Variants in LRP1B observed in about 807,000 individuals in gnomAD.
The protein encoded by LRP1B is low-density lipoprotein receptor-related protein 1B.
Under a neutral mutation model 556.6 loss-of-function variants are expected in LRP1B, and 217 were observed. The observed-to-expected ratio is 0.39, with a 90% confidence interval of 0.35 to 0.44. The LOEUF is 0.44. Ranked by LOEUF, LRP1B falls within the 20% of genes least tolerant of loss-of-function variation. The pLI is 1.00. For missense variants in LRP1B, 5,053 were observed against 5,620.8 expected (o/e 0.90, Z 3.23); for synonymous variants, 2,047 against 1,865.8 (o/e 1.10, Z -2.50).
In LRP1B at chr2:141,254,688, A is replaced by T. The variant is rs776316494; in HGVS notation, c.344-47T>A. The T allele has an allele frequency of 4.9e-6, 7 of 1,431,404 alleles. No individual in the cohort carries two copies. The East Asian group carries it at 1.7e-4, about 35-fold the overall frequency. The allele number at this position is 1,431,404 out of a possible 1,614,324, so 88.7% of individuals were successfully genotyped here. A position where few individuals can be genotyped will look rare whatever the true frequency, so the allele number is the denominator to read the frequency against. On this transcript the variant is annotated intron_variant, in intron 3 of 90. Transcript: ENST00000389484. Reference sequence around the variant, plus strand: ...ATTCTCTATATTTAACTGTATATGTAAATAGTTTGTATTTCTCAGTGTACA... The same window carrying T: ...ATTCTCTATATTTAACTGTATATGTTAATAGTTTGTATTTCTCAGTGTACA...
chr2:140,378,149 GCTTT>G (rs764249966), intron 68 of LRP1B, 27 bp downstream of exon 68: 26 of 1,443,600 alleles, frequency 1.8e-5, no homozygotes, highest in East Asian at 6.8e-5. Context: ...CTAAAGCGCT[GCTTT>G]CTTTTTGATT....
chr2:140,253,420 G>A (rs918629907), intron 86 of LRP1B, among the ~76,000 whole-genome samples: 1 of 151,796 alleles, frequency 6.6e-6, no homozygotes, highest in Non-Finnish European at 1.5e-5. Flanking sequence ...TTAATAAAAT[G>A]GATTATTTAA....
intron 1 of LRP1B, among the ~76,000 whole-genome samples, chr2:141,957,461 A>G (rs1170400913): frequency 1.3e-5 from 2 of 150,806 alleles, no homozygotes; most frequent in African/African-American, 4.9e-5. Context: ...CTTTACTAGG[A>G]TTCAAATACT....
At chr2:141,564,591 C>A (rs868436964) in intron 2 of LRP1B, among the ~76,000 whole-genome samples, 1 of 152,028 alleles carries the variant, frequency 6.6e-6, no homozygotes, top group Non-Finnish European at 1.5e-5. Context: ...CATGTAAATT[C>A]TCCTGTTATG....
chr2:141,226,369 A>G (rs923566695), intron 6 of LRP1B, among the ~76,000 whole-genome samples: 1 of 152,264 alleles, frequency 6.6e-6, no homozygotes, highest in Admixed American at 6.5e-5. Flanking sequence ...CTACCCAGAG[A>G]TGCAGTGGGT....
In LRP1B at chr2:140,242,015, C is replaced by T. The variant is rs116449080; in HGVS notation, c.13325-2483G>A. Among the ~76,000 whole-genome samples the T allele has an allele frequency of 4.7e-3, 703 of 150,918 alleles. 3 individuals are homozygous for T. The highest frequency in any genetic ancestry group is 7.6e-3 in the Non-Finnish European group (512 of 67,262). On this transcript the variant is annotated intron_variant, in intron 87 of 90. Transcript: ENST00000389484. ...AACATGGTTCTGAAACCTCATCATG[C>T]AACATTTTTCCATTAGAAGAAAGAA...
chr2:141,796,134 AC>A (rs1307323656), intron 2 of LRP1B, among the ~76,000 whole-genome samples: 3 of 151,638 alleles, frequency 2.0e-5, no homozygotes, highest in African/African-American at 7.3e-5. Context: ...AAATTCTCTC[AC>A]TCTGTCAAAT....
At chr2:141,627,720 A>G (rs959843883) in intron 2 of LRP1B, among the ~76,000 whole-genome samples, 5 of 152,234 alleles carry the variant, frequency 3.3e-5, no homozygotes, top group African/African-American at 1.2e-4. Flanking sequence ...TCCTGGTGCC[A>G]AAAAGGTTAG....
At chr2:140,867,986 AC>A (rs916204958) in intron 26 of LRP1B, 112 bp downstream of exon 26, 2 of 1,295,064 alleles carry the variant, frequency 1.5e-6, no homozygotes, top group Admixed American at 5.4e-5. Context: ...AAAAAAATAC[AC>A]CTCCAATTTT....
chr2:141,014,432 T>C lies in LRP1B; in HGVS notation c.2191-687A>G, dbSNP rs868817863. 5.9e-5 allele frequency among the ~76,000 whole-genome samples: 9 copies of C among 152,066 alleles called. 1 individual carries two copies. Among genetic ancestry groups the C allele is most frequent in the East Asian group, 5.8e-4 (3 of 5,180 alleles). On this transcript the variant is annotated intron_variant, in intron 13 of 90. Coordinates refer to ENST00000389484, the MANE Select transcript of LRP1B (RefSeq NM_018557.3). ...AGGAATCATGTGATAAAAGTTTAAG[T>C]CCAGTTTCACATGTAGGATTTTAGA...
chr2:141,410,740 T>C (rs907951393), intron 3 of LRP1B, among the ~76,000 whole-genome samples: 1 of 152,054 alleles, frequency 6.6e-6, no homozygotes, highest in East Asian at 1.9e-4. Context: ...ACAGAATATT[T>C]TCCATGTTTA....
intron 25 of LRP1B, among the ~76,000 whole-genome samples, chr2:140,874,810 G>C (rs1385219652): frequency 2.0e-5 from 3 of 151,742 alleles, no homozygotes; most frequent in African/African-American, 7.3e-5. Flanking sequence ...ACTGAGGTCA[G>C]GAGTTCAAGG....
intron 41 of LRP1B, among the ~76,000 whole-genome samples, chr2:140,603,626 T>C (rs570176640): frequency 1.1e-4 from 17 of 152,246 alleles, no homozygotes; most frequent in Non-Finnish European, 4.4e-5. Context: ...CGTATCACCA[T>C]TGAGATGTGA....
intron 2 of LRP1B, among the ~76,000 whole-genome samples, chr2:141,764,813 A>G (rs1171832416): frequency 1.3e-5 from 2 of 152,204 alleles, no homozygotes; most frequent in Admixed American, 6.5e-5. Flanking sequence ...CACACACAAA[A>G]TAGTGTGCAT....
At chr2:140,268,199 T>C (rs576537564) in intron 86 of LRP1B, among the ~76,000 whole-genome samples, 2 of 152,060 alleles carry the variant, frequency 1.3e-5, no homozygotes, top group Non-Finnish European at 2.9e-5. Context: ...AGGAGAACCT[T>C]AGGTATACTA....
intron 1 of LRP1B, among the ~76,000 whole-genome samples, chr2:142,044,955 C>A (rs548480476): frequency 2.0e-5 from 3 of 151,720 alleles, no homozygotes; most frequent in African/African-American, 7.2e-5. Flanking sequence ...GTATAGACAG[C>A]CTGTTAGTTT....
intron 47 of LRP1B, among the ~76,000 whole-genome samples, chr2:140,530,271 CA>C (rs59135903): frequency 0.037 from 5,561 of 151,834 alleles, 259 homozygotes; most frequent in African/African-American, 0.11. Context: ...CATATATGTA[CA>C]AAAAAGCACT....
chr2:141,901,636 A>T (rs1699621049), intron 1 of LRP1B, among the ~76,000 whole-genome samples: 2 of 152,032 alleles, frequency 1.3e-5, no homozygotes, highest in South Asian at 4.1e-4. Context: ...TCAACACTTC[A>T]AGATTTTTGC....
chr2:140,784,457 T>C (rs13010984), intron 32 of LRP1B, among the ~76,000 whole-genome samples: 38,437 of 149,574 alleles, frequency 0.26, 5,235 homozygotes, highest in South Asian at 0.32. Flanking sequence ...AAGATGTTTA[T>C]CATTACTTAA....
Sources: allele counts gnomAD v4.1 joint callset (sites outside exome capture counted in the v4.1 genomes callset), GRCh38; gene constraint gnomAD v4.1.1; transcripts MANE v1.5; gene names NCBI Gene and HGNC (gene_info 2026-07-23, HGNC 2026-07-21).